The following NCAM1 variants were observed in gnomAD, a reference collection of about 807,000 sequenced individuals.
NCAM1 encodes antigen recognized by monoclonal antibody 5.1H11.
A neutral mutation model predicts 109.8 loss-of-function variants in NCAM1; 14 were observed. The ratio of observed to expected loss-of-function variants is 0.13; its 90% CI spans 0.08 to 0.20. NCAM1 has a LOEUF of 0.20. Among genes scored for constraint, NCAM1 ranks in the 10% least tolerant of loss-of-function variants. NCAM1 has a pLI of 1.00. For missense variants in NCAM1, 774 were observed against 1,109.9 expected (o/e 0.70, Z 4.30); for synonymous variants, 418 against 442.9 (o/e 0.94, Z 0.70).
intron 1 of NCAM1, among the ~76,000 whole-genome samples, chr11:113,002,043 G>A (rs1951767017): frequency 1.3e-5 from 2 of 152,106 alleles, no homozygotes; most frequent in Admixed American, 6.5e-5. Context: ...AAGCCCTAGG[G>A]GTGACTCTGG....
intron 17 of NCAM1, 189 bp downstream of exon 17, chr11:113,260,512 G>A: frequency 3.4e-6 from 2 of 593,242 alleles, no homozygotes; most frequent in East Asian, 6.5e-5. Context: ...TGGACCCCCA[G>A]GAAGGCTTGG....
intron 18 of NCAM1, among the ~76,000 whole-genome samples, chr11:113,271,107 C>G (rs757242025): frequency 6.6e-6 from 1 of 152,046 alleles, no homozygotes; most frequent in Non-Finnish European, 1.5e-5. Flanking sequence ...GGGTGACTCA[C>G]GCCTGTAATC....
chr11:113,185,103 G>C (rs1555108669), intron 1 of NCAM1, among the ~76,000 whole-genome samples: 1 of 141,222 alleles, frequency 7.1e-6, no homozygotes, highest in Non-Finnish European at 1.5e-5. Flanking sequence ...GAGAGAGAGA[G>C]AGAGAGAGAG....
rs1938526774 is a variant in NCAM1, at chr11:113,076,386, C to A, written c.52+114722C>A. Among the ~76,000 whole-genome samples the A allele has an allele frequency of 2.0e-5, 3 of 152,154 alleles. No homozygotes were observed. The South Asian group carries it at 6.2e-4, about 32-fold the overall frequency. ...AAAACTGCTTGCTCATTTTTCCACC[C>A]AAATGCATAGCCATGGCCCCTCTAG... is the stretch of plus-strand genomic sequence containing the variant. On this transcript the variant is annotated intron_variant, in intron 1 of 19. Transcript: ENST00000316851.
At chr11:113,200,167 G>A (rs1470561810) in intron 1 of NCAM1, among the ~76,000 whole-genome samples, 1 of 152,172 alleles carries the variant, frequency 6.6e-6, no homozygotes, top group East Asian at 1.9e-4. Context: ...CTTTCTTGGG[G>A]GGACTCAGCT....
chr11:113,245,518 G>C (rs1565526613), intron 14 of NCAM1, among the ~76,000 whole-genome samples: 2 of 152,204 alleles, frequency 1.3e-5, no homozygotes, highest in African/African-American at 2.4e-5. Flanking sequence ...CAAAGGTACA[G>C]TTTCTGCTGT....
At chr11:113,189,203 GC>G (rs1943602447) in intron 1 of NCAM1, among the ~76,000 whole-genome samples, 1 of 152,066 alleles carries the variant, frequency 6.6e-6, no homozygotes, top group African/African-American at 2.4e-5. Context: ...TGTAATCCCA[GC>G]ACTTTGGGAG....
rs114173415 is a variant in NCAM1, at chr11:112,965,216, A to G, written c.52+3552A>G. ...TGGTGACTGGTTTCTTGAGTTTGAT[A>G]GTTCAAGAATTAAGATAGTAATTGC... On this transcript the variant is annotated intron_variant, in intron 1 of 19. Coordinates refer to ENST00000316851, the MANE Select transcript of NCAM1 (RefSeq NM_181351.5). Among the ~76,000 whole-genome samples, 1,515 of 152,114 alleles carry G rather than the reference A, an allele frequency of 1.0e-2. 25 individuals are homozygous for G. The highest frequency in any genetic ancestry group is 0.034 in the African/African-American group (1,420 of 41,508).
intron 9 of NCAM1, chr11:113,231,213 C>T: frequency 2.0e-6 from 3 of 1,536,138 alleles, no homozygotes; most frequent in African/African-American, 1.4e-5. Context: ...CACCATGGAA[C>T]TGGCAAGTGG....
chr11:113,153,281 T>C (rs1406683296), intron 1 of NCAM1, among the ~76,000 whole-genome samples: 1 of 152,160 alleles, frequency 6.6e-6, no homozygotes, highest in East Asian at 1.9e-4. Flanking sequence ...GACCTCGTGA[T>C]CCACCCGCCT....
At chr11:113,183,530 A>G (rs1591394637) in intron 1 of NCAM1, among the ~76,000 whole-genome samples, 3 of 152,352 alleles carry the variant, frequency 2.0e-5, no homozygotes, top group East Asian at 3.9e-4. Context: ...GCACTTTGAA[A>G]TTACAGAAAT....
intron 9 of NCAM1, 29 bp from the exon 10 acceptor site, chr11:113,231,616 C>T: frequency 6.2e-7 from 1 of 1,608,370 alleles, no homozygotes; most frequent in Non-Finnish European, 8.5e-7. Context: ...TGGGCTCTGA[C>T]ATGCTCCCTT....
At chr11:113,251,474 T>C (rs1305502576) in intron 15 of NCAM1, among the ~76,000 whole-genome samples, 1 of 152,246 alleles carries the variant, frequency 6.6e-6, no homozygotes, top group African/African-American at 2.4e-5. Context: ...TATATCTGAC[T>C]ATATGTGGCC....
At position 113,234,286 on chromosome 11, in the gene NCAM1, GTTATTT is replaced by G. The variant is rs138443574; in HGVS notation, c.1694-741_1694-736del. 8.3e-3 allele frequency among the ~76,000 whole-genome samples: 1,234 copies of G among 149,038 alleles called. 17 individuals are homozygous for G. Among genetic ancestry groups the G allele is most frequent in the African/African-American group, 0.029 (1,187 of 40,402 alleles). ...TTTTTTTTTTTAAAGATCAATTCTA[GTTATTT>G]TTATTATAAAATATACATAACATAC... On this transcript the variant is annotated intron_variant, in intron 13 of 19. Transcript: ENST00000316851.
At chr11:112,993,644 A>T (rs1420868782) in intron 1 of NCAM1, among the ~76,000 whole-genome samples, 2 of 152,092 alleles carry the variant, frequency 1.3e-5, no homozygotes, top group African/African-American at 4.8e-5. Context: ...TATATTATTG[A>T]TGTCAATAAC....
intron 1 of NCAM1, among the ~76,000 whole-genome samples, chr11:113,172,166 C>T (rs1434575562): frequency 2.6e-5 from 4 of 152,204 alleles, no homozygotes; most frequent in Admixed American, 2.6e-4. Context: ...TTTGTTTCAG[C>T]CAGCCCTAGA....
At chr11:113,236,812 C>T (rs1311045773) in intron 14 of NCAM1, among the ~76,000 whole-genome samples, 2 of 152,212 alleles carry the variant, frequency 1.3e-5, no homozygotes, top group African/African-American at 4.8e-5. Context: ...TGCTTCCTTG[C>T]TTCTTGTCTG....
intron 1 of NCAM1, among the ~76,000 whole-genome samples, chr11:112,971,705 A>T (rs1404983532): frequency 6.6e-6 from 1 of 152,102 alleles, no homozygotes; most frequent in African/African-American, 2.4e-5. Context: ...TCTGTTTGGG[A>T]ATGAAAAGAT....
chr11:113,078,205 A>T (rs1450577519), intron 1 of NCAM1, among the ~76,000 whole-genome samples: 1 of 151,990 alleles, frequency 6.6e-6, no homozygotes, highest in Non-Finnish European at 1.5e-5. Context: ...GATGGCTCCG[A>T]GAGTTCCTTG....
Sources: allele counts gnomAD v4.1 joint callset (sites outside exome capture counted in the v4.1 genomes callset), GRCh38; gene constraint gnomAD v4.1.1; transcripts MANE v1.5; gene names NCBI Gene and HGNC (gene_info 2026-07-23, HGNC 2026-07-21).